The following TLN2 variants were observed in gnomAD, a reference collection of about 807,000 sequenced individuals.
TLN2 encodes the protein talin-2.
Under a neutral mutation model 294.7 loss-of-function variants are expected in TLN2, and 118 were observed. The observed-to-expected ratio is 0.40, with a 90% CI of 0.34 to 0.47. TLN2 has a LOEUF of 0.47. Among genes scored for constraint, TLN2 ranks in the 20% least tolerant of loss-of-function variants. TLN2 has a pLI of 0.84. For missense variants in TLN2, 3,083 were observed against 3,282.2 expected, an observed-to-expected ratio of 0.94 and a Z score of 1.48; for synonymous variants, 1,431 against 1,304.5, an observed-to-expected ratio of 1.10 and a Z score of -2.09.
At chr15:62,766,949 A>G (rs1319730374) in intron 41 of TLN2, among the ~76,000 whole-genome samples, 4 of 152,172 alleles carry the variant, frequency 2.6e-5, no homozygotes, top group African/African-American at 9.7e-5. Flanking sequence ...TCATACCCAC[A>G]TTGTGTTCAG....
intron 45 of TLN2, among the ~76,000 whole-genome samples, chr15:62,786,396 C>A (rs992389520): frequency 2.6e-5 from 4 of 152,158 alleles, no homozygotes; most frequent in Non-Finnish European, 5.9e-5. Context: ...GGAGCTTTAT[C>A]TGCTTATTTT....
At chr15:62,441,540 G>T (rs1426500586) in intron 1 of TLN2, among the ~76,000 whole-genome samples, 1 of 152,220 alleles carries the variant, frequency 6.6e-6, no homozygotes, top group Non-Finnish European at 1.5e-5. Flanking sequence ...TCCATTGTCT[G>T]TTGGGGCGGG....
intron 53 of TLN2, 130 bp downstream of exon 53, chr15:62,819,751 G>A (rs1247575740): frequency 9.7e-6 from 7 of 724,324 alleles, no homozygotes; most frequent in Admixed American, 6.0e-5. Flanking sequence ...ATACAGTGAG[G>A]ACTTTCTGCA....
At chr15:62,609,987 C>T (rs986573491) in intron 2 of TLN2, among the ~76,000 whole-genome samples, 3 of 152,322 alleles carry the variant, frequency 2.0e-5, no homozygotes, top group African/African-American at 2.4e-5. Context: ...CCATCTCCAA[C>T]ATTCTTTGAA....
At chr15:62,693,906 C>A (rs2058114131) in intron 13 of TLN2, among the ~76,000 whole-genome samples, 1 of 149,810 alleles carries the variant, frequency 6.7e-6, no homozygotes, top group African/African-American at 2.5e-5. Flanking sequence ...TGTGTCCCTT[C>A]AAAATGTTTT....
intron 1 of TLN2, among the ~76,000 whole-genome samples, chr15:62,406,115 G>C (rs2033384148): frequency 6.6e-6 from 1 of 152,166 alleles, no homozygotes; most frequent in African/African-American, 2.4e-5. Context: ...GATTGTATTA[G>C]TTTTCTAGAG....
chr15:62,538,958 A>G (rs1011224130), intron 1 of TLN2, among the ~76,000 whole-genome samples: 2 of 152,204 alleles, frequency 1.3e-5, no homozygotes, highest in Admixed American at 1.3e-4. Context: ...GAAACATAAA[A>G]TGTAAAAGAT....
At chr15:62,602,525 A>G (rs1184395529) in intron 2 of TLN2, among the ~76,000 whole-genome samples, 1 of 152,204 alleles carries the variant, frequency 6.6e-6, no homozygotes, top group African/African-American at 2.4e-5. Flanking sequence ...CTCTTAGTCC[A>G]TTTGGGCTGC....
chr15:62,631,621 T>G (rs2049886934), intron 3 of TLN2, among the ~76,000 whole-genome samples: 1 of 140,934 alleles, frequency 7.1e-6, no homozygotes, highest in South Asian at 2.4e-4. Context: ...CTCCCTTCCC[T>G]CCTCCCTCCC....
chr15:62,573,964 A>G (rs546305603), intron 1 of TLN2, among the ~76,000 whole-genome samples: 1 of 151,988 alleles, frequency 6.6e-6, no homozygotes, highest in East Asian at 1.9e-4. Flanking sequence ...CATGCCTTCA[A>G]CTTTGAGTCA....
intron 12 of TLN2, among the ~76,000 whole-genome samples, chr15:62,692,332 C>T (rs879286777): frequency 8.5e-5 from 13 of 152,164 alleles, no homozygotes; most frequent in Admixed American, 3.9e-4. Context: ...AAGGGTCAGA[C>T]CATCCACCTG....
intron 1 of TLN2, among the ~76,000 whole-genome samples, chr15:62,423,040 G>C (rs1287617617): frequency 6.6e-6 from 1 of 152,226 alleles, no homozygotes. Flanking sequence ...CTCCCAGGGG[G>C]AAGAGGTTAT....
intron 2 of TLN2, among the ~76,000 whole-genome samples, chr15:62,596,599 A>G (rs1048147513): frequency 1.3e-5 from 2 of 151,842 alleles, no homozygotes; most frequent in Admixed American, 6.6e-5. Context: ...CTAGCCAGGC[A>G]TGATGGTGCG....
At chr15:62,397,370 G>T (rs187979354) in intron 1 of TLN2, among the ~76,000 whole-genome samples, 313 of 152,158 alleles carry the variant, frequency 2.1e-3, no homozygotes, top group South Asian at 4.4e-3. Context: ...TGATCCTCCT[G>T]CCTCGGCCTC....
intron 1 of TLN2, among the ~76,000 whole-genome samples, chr15:62,458,701 C>A (rs1043938056): frequency 3.3e-5 from 5 of 151,688 alleles, no homozygotes. Context: ...TCCAGGAGGT[C>A]AAGGCTACAG....
At chr15:62,690,849 A>G (rs1052875183) in intron 12 of TLN2, among the ~76,000 whole-genome samples, 8 of 150,976 alleles carry the variant, frequency 5.3e-5, no homozygotes, top group Non-Finnish European at 1.0e-4. Context: ...CGTCTCCACC[A>G]AAAAAAATAC....
chr15:62,719,989 G>A lies in TLN2; in HGVS notation c.2991+109G>A, dbSNP rs148881534. 235 of 806,574 alleles carry A rather than the reference G, an allele frequency of 2.9e-4. 1 individual carries two copies. In the African/African-American group the frequency reaches 3.3e-3, roughly 11 times the overall value. 50.0% of individuals were successfully genotyped at this position (806,574 alleles called of 1,614,324 possible). A position where few individuals can be genotyped will look rare whatever the true frequency, so the allele number is the denominator to read the frequency against. ...TCCACAGCCTCAGCTAAGTCTTTGC[G>A]GTAGGCAGGGCTTGAAGGCCTCTTC... On this transcript the variant is annotated intron_variant, in intron 25 of 58. Transcript: ENST00000636159.
intron 1 of TLN2, among the ~76,000 whole-genome samples, chr15:62,549,665 A>T (rs2140550081): frequency 6.6e-6 from 1 of 152,278 alleles, no homozygotes; most frequent in Middle Eastern, 3.4e-3. Context: ...TATATACTGT[A>T]TGTAGTGTGC....
chr15:62,815,177 T>TCACACACACACACACACACA (rs3055852), intron 52 of TLN2, among the ~76,000 whole-genome samples: 3 of 140,592 alleles, frequency 2.1e-5, no homozygotes, highest in Non-Finnish European at 3.1e-5. Context: ...ATTCTGTCTG[T>TCACACACACACACACACACA]CACACACACA....
Sources: allele counts gnomAD v4.1 joint callset (sites outside exome capture counted in the v4.1 genomes callset), GRCh38; gene constraint gnomAD v4.1.1; transcripts MANE v1.5; gene names NCBI Gene and HGNC (gene_info 2026-07-23, HGNC 2026-07-21).